FRMD4A: variants seen among roughly 807,000 people sequenced by gnomAD.
FRMD4A encodes the protein FERM domain containing 4A.
A neutral mutation model predicts 129.1 loss-of-function variants in FRMD4A; 29 were observed. The ratio of observed to expected loss-of-function variants is 0.22; its 90% confidence interval spans 0.17 to 0.31. FRMD4A has a LOEUF of 0.31. FRMD4A is among the 10% of genes least tolerant of loss of function. The probability of loss-of-function intolerance (pLI) is 1.00; values close to 1 mark genes in which losing one functional copy is unlikely to be tolerated. For missense variants in FRMD4A, 1,272 were observed against 1,375.8 expected (o/e 0.92, Z 1.19); for synonymous variants, 634 against 571.6 (o/e 1.11, Z -1.56).
At chr10:13,685,378 AAT>A (rs1470881029) in intron 15 of FRMD4A, 1 of 984,844 alleles carries the variant, frequency 1.0e-6, no homozygotes, top group Non-Finnish European at 1.2e-6. Flanking sequence ...AATGGAAAAA[AAT>A]AACTGAACAT....
intron 2 of FRMD4A, among the ~76,000 whole-genome samples, chr10:13,904,510 G>T (rs556782232): frequency 7.2e-5 from 11 of 152,322 alleles, no homozygotes; most frequent in Admixed American, 2.0e-4. Context: ...TCTCCGTCAA[G>T]AATTCTTCAA....
chr10:13,839,741 C>G (rs1441228718), intron 3 of FRMD4A, among the ~76,000 whole-genome samples: 3 of 152,176 alleles, frequency 2.0e-5, no homozygotes, highest in Non-Finnish European at 2.9e-5. Context: ...GGCCTTGAGC[C>G]ACCAGCCATG....
At chr10:13,773,808 T>C (rs2092525421) in intron 6 of FRMD4A, among the ~76,000 whole-genome samples, 1 of 152,230 alleles carries the variant, frequency 6.6e-6, no homozygotes, top group Non-Finnish European at 1.5e-5. Flanking sequence ...GACTCGCTCC[T>C]GTCTCATGGG....
chr10:14,076,185 C>A (rs1262226419), intron 2 of FRMD4A, among the ~76,000 whole-genome samples: 1 of 152,190 alleles, frequency 6.6e-6, no homozygotes, highest in Non-Finnish European at 1.5e-5. Context: ...GTCATGAAGA[C>A]CTGTGCATGG....
At chr10:14,140,259 C>T (rs1399386308) in intron 2 of FRMD4A, among the ~76,000 whole-genome samples, 1 of 152,118 alleles carries the variant, frequency 6.6e-6, no homozygotes, top group African/African-American at 2.4e-5. Flanking sequence ...GATGGGGTTT[C>T]ACCATGTTGA....
At chr10:14,058,309 A>G (rs982709913) in intron 2 of FRMD4A, among the ~76,000 whole-genome samples, 2 of 152,166 alleles carry the variant, frequency 1.3e-5, no homozygotes, top group African/African-American at 4.8e-5. Flanking sequence ...TTCAAAGATA[A>G]ATTATCATTT....
intron 5 of FRMD4A, among the ~76,000 whole-genome samples, chr10:13,787,600 A>C (rs2130797212): frequency 6.6e-6 from 1 of 152,168 alleles, no homozygotes. Context: ...AGCTGGGACT[A>C]CAGATATAAG....
intron 8 of FRMD4A, among the ~76,000 whole-genome samples, chr10:13,759,271 T>C (rs2091977293): frequency 6.6e-6 from 1 of 152,192 alleles, no homozygotes; most frequent in South Asian, 2.1e-4. Flanking sequence ...CTTTGACAAA[T>C]GGAGCACAAC....
chr10:13,853,815 G>A (rs2094173023), intron 3 of FRMD4A, among the ~76,000 whole-genome samples: 2 of 126,120 alleles, frequency 1.6e-5, no homozygotes, highest in Non-Finnish European at 3.1e-5. Context: ...CTGGGCGATA[G>A]AGCAAGACTC....
chr10:13,953,474 A>C (rs2095387594), intron 2 of FRMD4A, among the ~76,000 whole-genome samples: 1 of 152,134 alleles, frequency 6.6e-6, no homozygotes, highest in Admixed American at 6.6e-5. Flanking sequence ...TTTAAATTGC[A>C]TGTCATTCTG....
At chr10:14,019,758 C>T (rs564103800) in intron 2 of FRMD4A, among the ~76,000 whole-genome samples, 1 of 152,318 alleles carries the variant, frequency 6.6e-6, no homozygotes, top group African/African-American at 2.4e-5. Flanking sequence ...CGTGCCCATG[C>T]AATGTCAGTA....
intron 5 of FRMD4A, among the ~76,000 whole-genome samples, chr10:13,784,945 G>A (rs988504358): frequency 6.7e-6 from 1 of 149,702 alleles, no homozygotes; most frequent in Non-Finnish European, 1.5e-5. Flanking sequence ...GAGCCGAGAT[G>A]GTGCCACTGC....
chr10:14,180,062 C>A (rs1688997071), intron 2 of FRMD4A, among the ~76,000 whole-genome samples: 1 of 151,936 alleles, frequency 6.6e-6, no homozygotes, highest in Non-Finnish European at 1.5e-5. Flanking sequence ...AAAAACAAAA[C>A]CAAAAAACAA....
At chr10:13,930,449 A>C (rs1173742571) in intron 2 of FRMD4A, among the ~76,000 whole-genome samples, 1 of 152,210 alleles carries the variant, frequency 6.6e-6, no homozygotes, top group African/African-American at 2.4e-5. Flanking sequence ...CCTTTCAAGG[A>C]GTCAGAAAGG....
chr10:13,770,630 AT>A (rs1217234374), intron 6 of FRMD4A, among the ~76,000 whole-genome samples: 2 of 151,848 alleles, frequency 1.3e-5, no homozygotes, highest in South Asian at 4.2e-4. Context: ...TTTTGTAGAG[AT>A]GGGGGTCTCA....
At chr10:13,967,316 G>C (rs1218925678) in intron 2 of FRMD4A, among the ~76,000 whole-genome samples, 1 of 152,010 alleles carries the variant, frequency 6.6e-6, no homozygotes, top group African/African-American at 2.4e-5. Context: ...CAGCCTGGGC[G>C]ACAGAGCGAG....
At chr10:14,248,403 C>A (rs1002003206) in intron 2 of FRMD4A, among the ~76,000 whole-genome samples, 3 of 152,170 alleles carry the variant, frequency 2.0e-5, no homozygotes, top group African/African-American at 4.8e-5. Context: ...GTGCCTTTTT[C>A]CAGTCTTACA....
intron 2 of FRMD4A, among the ~76,000 whole-genome samples, chr10:13,948,982 A>G (rs569991528): frequency 6.6e-6 from 1 of 152,142 alleles, no homozygotes; most frequent in Non-Finnish European, 1.5e-5. Flanking sequence ...AATGCAAACA[A>G]TTTATTTGAT....
At chr10:13,866,820 C>T (rs1445860944) in intron 2 of FRMD4A, among the ~76,000 whole-genome samples, 1 of 152,108 alleles carries the variant, frequency 6.6e-6, no homozygotes, top group Non-Finnish European at 1.5e-5. Flanking sequence ...GGTATGTTGG[C>T]ACCTGTAATC....
Sources: gnomAD v4.1 joint callset for allele counts (sites outside exome capture counted in the v4.1 genomes callset) on GRCh38, gnomAD v4.1.1 for gene constraint, MANE v1.5 for transcripts, NCBI Gene and HGNC (gene_info 2026-07-23, HGNC 2026-07-21) for gene names.